The following NEGR1 variants were observed in gnomAD, a reference collection of about 807,000 sequenced individuals.
NEGR1 encodes the protein neuronal growth regulator 1, also known as IgLON family member 4.
Under a neutral mutation model 40.9 loss-of-function variants are expected in NEGR1, and 10 were observed. The observed-to-expected ratio is 0.24, with a 90% CI of 0.15 to 0.42. The LOEUF (loss-of-function observed/expected upper bound fraction) is 0.42. NEGR1 is among the 10% of genes least tolerant of loss of function. The probability of loss-of-function intolerance (pLI) is 1.00; values close to 1 mark genes in which losing one functional copy is unlikely to be tolerated. For missense variants in NEGR1, 352 were observed against 438.9 expected (o/e 0.80, Z 1.77); for synonymous variants, 185 against 166.8 (o/e 1.11, Z -0.84).
At chr1:72,129,437 A>G (rs1020060092) in intron 1 of NEGR1, among the ~76,000 whole-genome samples, 4 of 152,208 alleles carry the variant, frequency 2.6e-5, no homozygotes, top group South Asian at 2.1e-4. Flanking sequence ...TGCCTTATTT[A>G]TTAATAGATA....
chr1:71,964,207 G>A (rs551118531), intron 1 of NEGR1, among the ~76,000 whole-genome samples: 4 of 152,176 alleles, frequency 2.6e-5, no homozygotes, highest in Admixed American at 1.3e-4. Flanking sequence ...ATGCTTCTGC[G>A]TTATGGCCTT....
intron 1 of NEGR1, among the ~76,000 whole-genome samples, chr1:72,049,903 C>T (rs1647042361): frequency 1.3e-5 from 2 of 151,528 alleles, no homozygotes; most frequent in Admixed American, 1.3e-4. Flanking sequence ...GCATATCAGG[C>T]TCTGGGTAAT....
intron 1 of NEGR1, among the ~76,000 whole-genome samples, chr1:71,936,723 G>T (rs1275691533): frequency 2.0e-5 from 3 of 152,164 alleles, no homozygotes; most frequent in East Asian, 1.9e-4. Flanking sequence ...CAAGCGTAAT[G>T]ACAATTACTG....
intron 1 of NEGR1, among the ~76,000 whole-genome samples, chr1:72,073,060 T>C (rs1557512876): frequency 6.6e-6 from 1 of 152,086 alleles, no homozygotes; most frequent in African/African-American, 2.4e-5. Context: ...AACACCTATG[T>C]GAGGGAGGAA....
intron 1 of NEGR1, among the ~76,000 whole-genome samples, chr1:72,020,187 A>G (rs1406784427): frequency 6.6e-6 from 1 of 152,210 alleles, no homozygotes; most frequent in Non-Finnish European, 1.5e-5. Context: ...TGGGTTAGCG[A>G]GCAGGAAATT....
chr1:71,485,866 T>C (rs1646884523), intron 6 of NEGR1, among the ~76,000 whole-genome samples: 2 of 151,832 alleles, frequency 1.3e-5, no homozygotes, highest in Admixed American at 1.3e-4. Flanking sequence ...TGCTTCCAAG[T>C]TTTTGCAATT....
intron 2 of NEGR1, among the ~76,000 whole-genome samples, chr1:71,837,799 T>C (rs2101798881): frequency 6.6e-6 from 1 of 152,268 alleles, no homozygotes; most frequent in Non-Finnish European, 1.5e-5. Context: ...TATTGAGCTA[T>C]TGTTAATCAC....
chr1:71,815,163 A>G (rs1483993410), intron 2 of NEGR1, among the ~76,000 whole-genome samples: 1 of 152,042 alleles, frequency 6.6e-6, no homozygotes, highest in Non-Finnish European at 1.5e-5. Context: ...TTCATTATTT[A>G]CCCAGGAGTC....
chr1:71,799,800 C>T (rs1477419250), intron 2 of NEGR1, among the ~76,000 whole-genome samples: 2 of 152,098 alleles, frequency 1.3e-5, no homozygotes, highest in African/African-American at 4.8e-5. Context: ...GCAACCTCCA[C>T]GTCCTGGGTT....
chr1:72,251,105 G>A (rs1258240950), intron 1 of NEGR1, among the ~76,000 whole-genome samples: 2 of 152,184 alleles, frequency 1.3e-5, no homozygotes. Context: ...TGTGTGGGGA[G>A]AGTAATGGGA....
At chr1:71,475,544 A>G (rs1185486298) in intron 6 of NEGR1, among the ~76,000 whole-genome samples, 1 of 152,006 alleles carries the variant, frequency 6.6e-6, no homozygotes, top group Non-Finnish European at 1.5e-5. Flanking sequence ...ATATTTTCCC[A>G]TTTAAAATTT....
chr1:72,050,134 G>C (rs890003704), intron 1 of NEGR1, among the ~76,000 whole-genome samples: 3 of 151,370 alleles, frequency 2.0e-5, no homozygotes, highest in East Asian at 3.9e-4. Context: ...AGGTCAAAAA[G>C]TTTAAGAAAA....
chr1:71,762,761 T>A (rs572605220), intron 3 of NEGR1, among the ~76,000 whole-genome samples: 1 of 152,206 alleles, frequency 6.6e-6, no homozygotes, highest in South Asian at 2.1e-4. Context: ...CAAAGGACAT[T>A]CTATAAATGA....
chr1:71,785,498 T>G (rs140491765), intron 2 of NEGR1, among the ~76,000 whole-genome samples: 1 of 152,300 alleles, frequency 6.6e-6, no homozygotes, highest in Non-Finnish European at 1.5e-5. Flanking sequence ...TAAAAAAATT[T>G]CTATTCCATT....
intron 2 of NEGR1, among the ~76,000 whole-genome samples, chr1:71,879,077 G>A (rs1464504900): frequency 6.6e-6 from 1 of 151,440 alleles, no homozygotes; most frequent in African/African-American, 2.4e-5. Context: ...AGGTTGTGGT[G>A]AGCTGAGATC....
intron 6 of NEGR1, among the ~76,000 whole-genome samples, chr1:71,574,724 G>T (rs778878021): frequency 1.3e-5 from 2 of 152,074 alleles, no homozygotes; most frequent in Non-Finnish European, 2.9e-5. Context: ...TAGCCCAAGG[G>T]ACTTGGGAAC....
intron 6 of NEGR1, among the ~76,000 whole-genome samples, chr1:71,410,840 A>G (rs1646315159): frequency 6.6e-6 from 1 of 152,210 alleles, no homozygotes; most frequent in South Asian, 2.1e-4. Context: ...TTAGCAGGTC[A>G]AATTCCAATC....
At chr1:72,196,123 A>G (rs1315627008) in intron 1 of NEGR1, among the ~76,000 whole-genome samples, 1 of 152,048 alleles carries the variant, frequency 6.6e-6, no homozygotes, top group Non-Finnish European at 1.5e-5. Flanking sequence ...AATAATGCTA[A>G]ATAAGTTGAA....
chr1:71,799,978 C>T (rs1184546412), intron 2 of NEGR1, among the ~76,000 whole-genome samples: 1 of 152,092 alleles, frequency 6.6e-6, no homozygotes, highest in African/African-American at 2.4e-5. Flanking sequence ...TCCCAAAGTG[C>T]TGGGATTACA....
Sources: gnomAD v4.1 joint callset for allele counts (sites outside exome capture counted in the v4.1 genomes callset) on GRCh38, gnomAD v4.1.1 for gene constraint, MANE v1.5 for transcripts, NCBI Gene and HGNC (gene_info 2026-07-23, HGNC 2026-07-21) for gene names.